FANCA: variants seen among roughly 807,000 people sequenced by gnomAD.
The protein encoded by FANCA is FA complementation group A, also known as Fanconi anemia group A protein.
A neutral mutation model predicts 194.3 loss-of-function variants in FANCA; 236 were observed. The observed-to-expected ratio is 1.21, with a 90% CI of 1.09 to 1.35. FANCA has a LOEUF of 1.35. Among genes scored for constraint, FANCA ranks in the 40% most tolerant of loss-of-function variants. The pLI is 0.00. For synonymous variants in FANCA, 1,014 were observed against 715.8 expected, an observed-to-expected ratio of 1.42 and a Z score of -6.65; for missense variants, 2,628 against 1,813.9, an observed-to-expected ratio of 1.45 and a Z score of -8.15.
In FANCA at chr16:89,746,828, C is replaced by T; in HGVS notation, c.3408+3G>A. ...CACGAGAGGGGCTGAGGGAGCATCT[C>T]ACCCTGAAGAAGTGGGCAGTGATGT... On this transcript the variant is annotated splice_donor_region_variant and intron_variant, in intron 34 of 42. Transcript: ENST00000389301. 6.4e-7 allele frequency: 1 copy of T among 1,566,548 alleles called. No homozygotes were observed. The highest frequency in any genetic ancestry group is 8.7e-7 in the Non-Finnish European group (1 of 1,154,522).
At chr16:89,772,818 CA>C (rs57304619) in intron 22 of FANCA, among the ~76,000 whole-genome samples, 73,130 of 139,364 alleles carry the variant, frequency 0.52, 19,849 homozygotes, top group East Asian at 0.98. Flanking sequence ...GACTCTGTCT[CA>C]AAAAAAAAAA....
At position 89,764,969 on chromosome 16, in the gene FANCA, G is replaced by T; in HGVS notation, c.2699C>A (p.Ser900Tyr). 6.2e-7 allele frequency: 1 copy of T among 1,614,276 alleles called. No individual in the cohort carries two copies. The highest frequency in any genetic ancestry group is 8.5e-7 in the Non-Finnish European group (1 of 1,180,050). ...SLSWRPLHLP[S>Y]ADWQRAALSL... ...GAGGGCAGCTCTCTGCCAGTCTGCA[G>T]AAGGAAGGTGCAAGGGTCTCCAGGA... is the stretch of plus-strand genomic sequence containing the variant. Residue 900 changes from serine (S) to tyrosine (Y), a missense_variant, in exon 28 of 43, where the codon TCT becomes TAT. By Grantham distance (144) the Ser-to-Tyr change is moderately radical. Transcript: ENST00000389301.
At chr16:89,751,985 T>C (rs2038610577) in intron 31 of FANCA, among the ~76,000 whole-genome samples, 153 bp downstream of exon 31, 1 of 151,960 alleles carries the variant, frequency 6.6e-6, no homozygotes, top group African/African-American at 2.4e-5. Context: ...TTAGCCAGCA[T>C]GGTCTCGATC....
rs769141220 is a variant in FANCA at position 89,771,826 on chromosome 16, G to A, written c.2015-12C>T. On this transcript the variant is annotated splice_polypyrimidine_tract_variant and intron_variant, in intron 22 of 42. Transcript: ENST00000389301. ...CTGTGCCGATATAACTGCGAAGGAA[G>A]AAACTAGTTAGGGATGACAAGAACC... The A allele has an allele frequency of 2.4e-5, 39 of 1,613,410 alleles. No individual in the cohort carries two copies. The East Asian group carries it at 6.9e-4, about 29-fold the overall frequency.
chr16:89,770,124 G>A (rs969335890), intron 25 of FANCA, 42 bp downstream of exon 25: 3 of 1,569,538 alleles, frequency 1.9e-6, no homozygotes, highest in Non-Finnish European at 2.6e-6. Context: ...CTGGCCCTCA[G>A]AGTGGGCCCC....
intron 18 of FANCA, among the ~76,000 whole-genome samples, chr16:89,779,586 G>A (rs1251544498): frequency 6.6e-6 from 1 of 152,210 alleles, no homozygotes; most frequent in Non-Finnish European, 1.5e-5. Flanking sequence ...ATGTTTCACA[G>A]CAAATGCACA....
Position 89,801,604 on chromosome 16 carries a change from C to CT in FANCA, c.792+1654dup, listed in dbSNP as rs2040456605. On this transcript the variant is annotated intron_variant, in intron 8 of 42. Coordinates refer to ENST00000389301, the MANE Select transcript of FANCA (RefSeq NM_000135.4). The stretch of plus-strand genomic sequence containing the variant: ...AGAACTACCAGCCCAGAGGGTCTCA[C>CT]TTTCACCAGGCATGGTGGATCACAT... 1.3e-5 allele frequency among the ~76,000 whole-genome samples: 2 copies of CT among 152,044 alleles called. 1 individual carries two copies. The highest frequency in any genetic ancestry group is 4.1e-4 in the South Asian group (2 of 4,824).
chr16:89,799,887 G>T lies in FANCA; in HGVS notation c.793-249C>A, dbSNP rs17232393. On this transcript the variant is annotated intron_variant, in intron 8 of 42. Coordinates refer to ENST00000389301, the MANE Select transcript of FANCA (RefSeq NM_000135.4). ...GGACGCCCTGTAGTCTCAGCTACTC[G>T]GGAGGCTGAGGCAGGAGAATGGCGT... Among the ~76,000 whole-genome samples, 2,570 of 152,252 alleles carry T rather than the reference G, an allele frequency of 0.017. 84 individuals carry two copies. The highest frequency in any genetic ancestry group is 0.06 in the African/African-American group (2,478 of 41,540).
intron 10 of FANCA, chr16:89,798,375 T>G (rs2040319162): frequency 1.9e-6 from 2 of 1,047,272 alleles, no homozygotes; most frequent in Non-Finnish European, 2.3e-6. Flanking sequence ...ACACAGTGCT[T>G]TATTCACTGT....
chr16:89,806,916 G>C (rs559821843), intron 6 of FANCA, among the ~76,000 whole-genome samples: 1 of 152,132 alleles, frequency 6.6e-6, no homozygotes, highest in Non-Finnish European at 1.5e-5. Flanking sequence ...TCACTTCCCA[G>C]TATGGGCGGC....
At chr16:89,767,378 C>T (rs891411729) in intron 26 of FANCA, 141 bp from the exon 27 acceptor site, 4 of 691,800 alleles carry the variant, frequency 5.8e-6, no homozygotes, top group East Asian at 2.8e-5. Flanking sequence ...TTTTTTGGTT[C>T]GTTTGTTGTG....
At position 89,782,565 on chromosome 16, in the gene FANCA, C is replaced by G. The variant is rs531972560; in HGVS notation, c.1626+294G>C. On this transcript the variant is annotated intron_variant, in intron 17 of 42. Coordinates refer to ENST00000389301, the MANE Select transcript of FANCA (RefSeq NM_000135.4). ...GTGATTCAGAGAAAAACATGACGAA[C>G]CACCTCTCCATTCAACCCCACAGGA... is the stretch of plus-strand genomic sequence containing the variant. 2.0e-5 allele frequency among the ~76,000 whole-genome samples: 3 copies of G among 151,874 alleles called. No individual in the cohort carries two copies. In the South Asian group the frequency reaches 6.2e-4, roughly 32 times the overall value.
At chr16:89,759,318 T>TAAAAAAAAAAAAAAAAAA (rs71137673) in intron 29 of FANCA, among the ~76,000 whole-genome samples, 23 of 75,206 alleles carry the variant, frequency 3.1e-4, no homozygotes, top group Non-Finnish European at 4.9e-4. Flanking sequence ...AGACTCCGTC[T>TAAAAAAAAAAAAAAAAAA]AAAAAAAAAA....
At chr16:89,773,500 G>T in intron 21 of FANCA, 116 bp from the exon 22 acceptor site, 2 of 773,932 alleles carry the variant, frequency 2.6e-6, no homozygotes, top group Non-Finnish European at 2.2e-6. Context: ...TGCTGTGTGT[G>T]GCAGACGGAG....
At chr16:89,798,512 T>C in intron 10 of FANCA, 10 of 1,101,490 alleles carry the variant, frequency 9.1e-6, no homozygotes, top group Non-Finnish European at 1.1e-5. Flanking sequence ...AGTGGCAAAT[T>C]CTACTGGTTT....
chr16:89,767,001 G>A (rs1210687781), intron 27 of FANCA, 140 bp downstream of exon 27: 2 of 745,414 alleles, frequency 2.7e-6, no homozygotes, highest in Admixed American at 3.8e-5. Flanking sequence ...CTCAGGAGCT[G>A]CCCCATGACA....
Position 89,738,865 on chromosome 16 carries a change from G to A in FANCA, c.4260+17C>T, listed in dbSNP as rs1297191247. 5 of 1,614,212 alleles carry A rather than the reference G, an allele frequency of 3.1e-6. No homozygotes were observed. Among genetic ancestry groups the A allele is most frequent in the Non-Finnish European group, 4.2e-6 (5 of 1,180,030 alleles). ...TCATGTCCCCCACATGGCCCAAGGTGGGCATCTTGACGTTACCTCTGCCAC... is the reference window on the plus strand; with the variant it reads ...TCATGTCCCCCACATGGCCCAAGGTAGGCATCTTGACGTTACCTCTGCCAC... On this transcript the variant is annotated intron_variant, in intron 42 of 42. Coordinates refer to ENST00000389301, the MANE Select transcript of FANCA (RefSeq NM_000135.4).
At chr16:89,753,420 A>G (rs1216708425) in intron 30 of FANCA, among the ~76,000 whole-genome samples, 1 of 152,166 alleles carries the variant, frequency 6.6e-6, no homozygotes, top group Non-Finnish European at 1.5e-5. Context: ...CGCCGCACAC[A>G]GGGAGAGACC....
chr16:89,767,344 G>T, intron 26 of FANCA, 107 bp from the exon 27 acceptor site: 1 of 809,042 alleles, frequency 1.2e-6, no homozygotes, highest in Non-Finnish European at 2.1e-6. Flanking sequence ...TTCCGAACTG[G>T]ATGGCCTGAG....
Sources: allele counts gnomAD v4.1 joint callset (sites outside exome capture counted in the v4.1 genomes callset), GRCh38; gene constraint gnomAD v4.1.1; transcripts MANE v1.5; gene names NCBI Gene and HGNC (gene_info 2026-07-23, HGNC 2026-07-21).